TPO: variants seen among roughly 807,000 people sequenced by gnomAD.
TPO encodes thyroid peroxidase.
TPO carries 78 observed loss-of-function variants against 96.9 expected under a neutral mutation model. The ratio of observed to expected loss-of-function variants is 0.81; its 90% CI spans 0.67 to 0.97. TPO has a LOEUF of 0.97. TPO is among the 50% of genes least tolerant of loss of function. TPO has a pLI of 0.00. For missense variants in TPO, 1,252 were observed against 1,274.8 expected (o/e 0.98, Z 0.27); for synonymous variants, 547 against 538.0 (o/e 1.02, Z -0.23).
At chr2:1,414,610 A>G in intron 2 of TPO, 108 bp downstream of exon 2, 1 of 983,038 alleles carries the variant, frequency 1.0e-6, no homozygotes, top group Admixed American at 2.0e-5. Context: ...AGGCCCCTGT[A>G]GTGTATGCTT....
chr2:1,441,483 G>GT (rs2148523529), intron 5 of TPO, among the ~76,000 whole-genome samples: 1 of 152,318 alleles, frequency 6.6e-6, no homozygotes, highest in East Asian at 1.9e-4. Context: ...TAGGAATGCT[G>GT]TTGATAACTG....
In TPO at chr2:1,487,978, C is replaced by A. The variant is rs368643878; in HGVS notation, c.1755C>A (p.Asp585Glu). The A allele has an allele frequency of 5.8e-5, 94 of 1,613,214 alleles. No individual in the cohort carries two copies. Among genetic ancestry groups the A allele is most frequent in the Admixed American group, 2.0e-4 (12 of 60,030 alleles). ...LASINLQRGR[D>E]HGLPGYNEWR... Reference sequence around the variant, plus strand: ...CCATCAACCTGCAGAGGGGCCGGGACCACGGGCTGCCAGGTCTGCCAGTTC... The same window carrying A: ...CCATCAACCTGCAGAGGGGCCGGGAACACGGGCTGCCAGGTCTGCCAGTTC... The change falls in exon 10 of 17, where the codon GAC becomes GAA. Residue 585 changes from aspartate to glutamate, a missense_variant. Coordinates refer to ENST00000329066, the MANE Select transcript of TPO (RefSeq NM_001206744.2).
chr2:1,504,136 GA>G, intron 14 of TPO, 57 bp downstream of exon 14: 1 of 1,609,504 alleles, frequency 6.2e-7, no homozygotes, highest in Non-Finnish European at 8.5e-7. Flanking sequence ...GTAAAATGAA[GA>G]AAAGTGTGTT....
chr2:1,461,086 G>A (rs1037781034), intron 7 of TPO, among the ~76,000 whole-genome samples: 1 of 152,186 alleles, frequency 6.6e-6, no homozygotes, highest in Non-Finnish European at 1.5e-5. Flanking sequence ...GAAGGACACG[G>A]GTAGCCCTGA....
intron 15 of TPO, among the ~76,000 whole-genome samples, chr2:1,522,886 A>G (rs1385672096): frequency 2.0e-5 from 1 of 50,082 alleles, no homozygotes; most frequent in Non-Finnish European, 4.1e-5. Flanking sequence ...ACTGTGTGAA[A>G]CCTCCTCAAA....
chr2:1,522,811 A>C, intron 15 of TPO, among the ~76,000 whole-genome samples: 1 of 52,452 alleles, frequency 1.9e-5, no homozygotes, highest in Non-Finnish European at 3.6e-5. Context: ...CAACCCCCCA[A>C]ATCTCCCCCA....
intron 1 of TPO, among the ~76,000 whole-genome samples, chr2:1,375,060 A>C (rs1302158155): frequency 6.6e-6 from 1 of 152,146 alleles, no homozygotes; most frequent in African/African-American, 2.4e-5. Flanking sequence ...ATATTTAAGA[A>C]TAGAAAAACT....
At chr2:1,410,968 A>C (rs1011013031), upstream of TPO, among the ~76,000 whole-genome samples, 7 of 152,000 alleles carry the variant, frequency 4.6e-5, no homozygotes, top group Admixed American at 3.3e-4. Context: ...TCTGACAGAG[A>C]CTGGGGGCTT....
In TPO at chr2:1,543,335, C is replaced by G. The variant is rs2125366651; in HGVS notation, c.*861C>G. 6.6e-6 allele frequency: 1 copy of G among 152,404 alleles called. No homozygotes were observed. The highest frequency in any genetic ancestry group is 2.1e-4 in the South Asian group (1 of 4,822). The allele number at this position is 152,404 out of a possible 1,614,324, so 9.4% of individuals were successfully genotyped here. Reference sequence around the variant, plus strand: ...GGAGTCCTTCGGCATTGAAAGCAAACTCAGACACATCTGACCTGGAGTTCT... The same window carrying G: ...GGAGTCCTTCGGCATTGAAAGCAAAGTCAGACACATCTGACCTGGAGTTCT... On this transcript the variant is annotated 3_prime_UTR_variant, in exon 17 of 17. Transcript: ENST00000329066.
intron 1 of TPO, among the ~76,000 whole-genome samples, chr2:1,394,888 C>A (rs1225853078): frequency 6.6e-6 from 1 of 152,138 alleles, no homozygotes; most frequent in Non-Finnish European, 1.5e-5. Context: ...GAGCGGAACT[C>A]AGGATGTGCC....
intron 15 of TPO, among the ~76,000 whole-genome samples, chr2:1,535,864 C>A (rs1679529000): frequency 1.3e-5 from 1 of 77,386 alleles, no homozygotes; most frequent in Non-Finnish European, 2.5e-5. Context: ...CGAATCCCCC[C>A]AACTTTGTGC....
intron 3 of TPO, among the ~76,000 whole-genome samples, chr2:1,429,216 T>TCCCCTG (rs1664736210): frequency 6.6e-6 from 1 of 152,062 alleles, no homozygotes. Flanking sequence ...CCCACTCTAC[T>TCCCCTG]CTCCTGCTCC....
At chr2:1,476,462 A>C (rs1669943251) in intron 7 of TPO, among the ~76,000 whole-genome samples, 1 of 152,196 alleles carries the variant, frequency 6.6e-6, no homozygotes, top group African/African-American at 2.4e-5. Flanking sequence ...CAGAGTTGGA[A>C]TCCCACCCAA....
intron 10 of TPO, among the ~76,000 whole-genome samples, chr2:1,492,027 C>T (rs1042217378): frequency 2.0e-5 from 3 of 152,182 alleles, no homozygotes; most frequent in Non-Finnish European, 2.9e-5. Flanking sequence ...CCAGCCAAGG[C>T]AGGTGACTCT....
intron 10 of TPO, among the ~76,000 whole-genome samples, chr2:1,492,942 G>C (rs1023028217): frequency 1.3e-4 from 20 of 152,144 alleles, no homozygotes; most frequent in Non-Finnish European, 2.9e-4. Context: ...GCTGAACCAA[G>C]AGGAGTGGAT....
At chr2:1,512,411 G>T in intron 14 of TPO, 1 of 985,416 alleles carries the variant, frequency 1.0e-6, no homozygotes, top group Non-Finnish European at 1.2e-6. Context: ...CGCCAAGGGC[G>T]TCCGAGAGAG....
intron 1 of TPO, among the ~76,000 whole-genome samples, chr2:1,398,457 C>T (rs534806506): frequency 6.6e-6 from 1 of 152,324 alleles, no homozygotes; most frequent in South Asian, 2.1e-4. Context: ...CTGGCCACCA[C>T]CCGGCACCAG....
chr2:1,541,015 AGCACAGGAGAGGAAG>A, intron 16 of TPO: 8 of 1,370,382 alleles, frequency 5.8e-6, no homozygotes, highest in Non-Finnish European at 7.6e-6. Context: ...ATCGGCTGGA[AGCACAGGAGAGGAAG>A]GAGAAGCTGA....
At chr2:1,478,626 A>G (rs1670221650) in intron 8 of TPO, among the ~76,000 whole-genome samples, 1 of 152,232 alleles carries the variant, frequency 6.6e-6, no homozygotes, top group African/African-American at 2.4e-5. Context: ...GGGGACCTGG[A>G]GCTTCCTGGA....
Sources: allele counts gnomAD v4.1 joint callset (sites outside exome capture counted in the v4.1 genomes callset), GRCh38; gene constraint gnomAD v4.1.1; transcripts MANE v1.5; gene names NCBI Gene and HGNC (gene_info 2026-07-23, HGNC 2026-07-21).